The following SLC1A6 variants were observed in gnomAD, a reference collection of about 807,000 sequenced individuals.
SLC1A6 encodes the protein excitatory amino acid transporter 4.
Under a neutral mutation model 42.1 loss-of-function variants are expected in SLC1A6, and 15 were observed. The observed-to-expected ratio is 0.36, with a 90% confidence interval of 0.24 to 0.55. SLC1A6 has a LOEUF of 0.55. Ranked by LOEUF, SLC1A6 falls within the 20% of genes least tolerant of loss-of-function variation. The pLI is 0.88. For missense variants in SLC1A6, 542 were observed against 772.5 expected (o/e 0.70, Z 3.54); for synonymous variants, 317 against 319.7 (o/e 0.99, Z 0.09).
At chr19:14,993,231 A>C (rs1239924407) in intron 1 of SLC1A6, among the ~76,000 whole-genome samples, 2 of 152,172 alleles carry the variant, frequency 1.3e-5, no homozygotes, top group Non-Finnish European at 2.9e-5. Context: ...TACCCAGCAC[A>C]GGTAAATCCA....
At chr19:15,000,758 C>T (rs2045868482) in intron 1 of SLC1A6, among the ~76,000 whole-genome samples, 2 of 152,174 alleles carry the variant, frequency 1.3e-5, no homozygotes, top group Admixed American at 6.5e-5. Flanking sequence ...CATCTCTGTT[C>T]TCTTATACAC....
At chr19:14,988,135 G>A (rs968453495) in intron 1 of SLC1A6, among the ~76,000 whole-genome samples, 40 of 152,162 alleles carry the variant, frequency 2.6e-4, no homozygotes, top group Non-Finnish European at 4.9e-4. Context: ...CCCCAAGTCT[G>A]CTGTTAGCTT....
intron 3 of SLC1A6, 132 bp from the exon 4 acceptor site, chr19:14,968,639 C>T (rs1021934472): frequency 1.4e-6 from 1 of 715,628 alleles, no homozygotes. Context: ...CTATAGCCCA[C>T]CCCAAAACCC....
chr19:14,990,374 T>A (rs1302720636), intron 1 of SLC1A6, among the ~76,000 whole-genome samples: 1 of 152,108 alleles, frequency 6.6e-6, no homozygotes, highest in Admixed American at 6.6e-5. Context: ...CTAAAAACAA[T>A]TGAACTCATA....
upstream of SLC1A6, among the ~76,000 whole-genome samples, chr19:14,981,268 G>A (rs2145224617): frequency 6.6e-6 from 1 of 151,596 alleles, no homozygotes; most frequent in South Asian, 2.1e-4. Flanking sequence ...ACTTCAGCCT[G>A]GACAACAGAG....
intron 3 of SLC1A6, among the ~76,000 whole-genome samples, chr19:14,969,547 C>A (rs1014993720): frequency 4.6e-5 from 7 of 152,206 alleles, no homozygotes; most frequent in African/African-American, 1.4e-4. Flanking sequence ...TTTTGAAACC[C>A]ACATCTTTGC....
intron 5 of SLC1A6, 101 bp downstream of exon 5, chr19:14,964,217 TC>T: frequency 1.1e-6 from 1 of 939,770 alleles, no homozygotes; most frequent in Non-Finnish European, 1.8e-6. Flanking sequence ...CATTGCTCTG[TC>T]AGGCCCTTCC....
At chr19:14,953,083 T>C in intron 8 of SLC1A6, 21 bp from the exon 9 acceptor site, 1 of 1,601,518 alleles carries the variant, frequency 6.2e-7, no homozygotes, top group Non-Finnish European at 8.5e-7. Context: ...AGGGAGAACA[T>C]GGGGAGCAGA....
intron 5 of SLC1A6, 111 bp downstream of exon 5, chr19:14,964,208 A>G (rs10407669): frequency 0.69 from 590,682 of 858,278 alleles, 204,860 homozygotes; most frequent in African/African-American, 0.84. Context: ...ACCCCTGCCC[A>G]TTGCTCTGTC....
intron 1 of SLC1A6, among the ~76,000 whole-genome samples, chr19:15,009,026 A>C (rs1416389507): frequency 1.3e-5 from 2 of 150,580 alleles, no homozygotes; most frequent in Non-Finnish European, 3.0e-5. Context: ...TATAAAATAT[A>C]CATATATGCT....
In SLC1A6 at chr19:14,967,480, C is replaced by T. The variant is rs59253508; in HGVS notation, c.548+823G>A. On this transcript the variant is annotated intron_variant, in intron 4 of 9. Coordinates refer to ENST00000594383, the MANE Select transcript of SLC1A6 (RefSeq NM_005071.3). ...ATGGGACAGGAGGTCAGACACGCCT[C>T]CTTACACTCTCTCCCTTTTATAATC... Among the ~76,000 whole-genome samples the T allele has an allele frequency of 2.1e-3, 321 of 152,248 alleles. 7 individuals are homozygous for T. The East Asian group carries it at 0.048, about 23-fold the overall frequency.
upstream of SLC1A6, among the ~76,000 whole-genome samples, chr19:14,982,468 G>T (rs1021102013): frequency 6.6e-6 from 1 of 152,156 alleles, no homozygotes; most frequent in Admixed American, 6.5e-5. Context: ...GGCAGAGTTT[G>T]CAGTGAGCCA....
intron 1 of SLC1A6, chr19:14,977,722 A>C (rs1000519209): frequency 6.6e-6 from 1 of 152,256 alleles, no homozygotes; most frequent in Non-Finnish European, 1.5e-5. Flanking sequence ...TTGAGGCTGC[A>C]ATGAGCTATG....
At chr19:14,969,526 G>C (rs1244035147) in intron 3 of SLC1A6, among the ~76,000 whole-genome samples, 1 of 152,216 alleles carries the variant, frequency 6.6e-6, no homozygotes, top group East Asian at 1.9e-4. Context: ...GAGGCTGAGA[G>C]GCCAGCCTTC....
intron 6 of SLC1A6, among the ~76,000 whole-genome samples, chr19:14,957,043 A>G (rs539384876): frequency 1.3e-5 from 2 of 152,092 alleles, no homozygotes; most frequent in African/African-American, 4.8e-5. Flanking sequence ...CACTACCTTC[A>G]GTTTCCTTCC....
rs1401433780 is a variant in SLC1A6 at position 14,950,170 on chromosome 19, C to CT, written c.*24dup. The CT allele has an allele frequency of 1.4e-6, 2 of 1,471,564 alleles. No individual in the cohort carries two copies. The highest frequency in any genetic ancestry group is 1.4e-5 in the African/African-American group (1 of 69,716). The allele number at this position is 1,471,564 out of a possible 1,614,324, so 91.2% of individuals were successfully genotyped here. The stretch of plus-strand genomic sequence containing the variant: ...CCTCCCCAGCCCCCTTCCCTCCTCT[C>CT]TGGGGGGGCAGAGCTGGAGGCCCCT... On this transcript the variant is annotated 3_prime_UTR_variant, in exon 10 of 10. Transcript: ENST00000594383.
intron 1 of SLC1A6, among the ~76,000 whole-genome samples, chr19:15,002,964 A>ATTTTGTTGTTGTTGTTGTTGT (rs55727450): frequency 0.018 from 2,693 of 150,916 alleles, 57 homozygotes; most frequent in Admixed American, 0.053. Context: ...TTTTTGTGGG[A>ATTTTGTTGTTGTTGTTGTTGT]TGTTGTTGTT....
At chr19:14,957,235 C>G (rs1480242941) in intron 6 of SLC1A6, among the ~76,000 whole-genome samples, 1 of 152,204 alleles carries the variant, frequency 6.6e-6, no homozygotes, top group Non-Finnish European at 1.5e-5. Context: ...ATCAAAATCA[C>G]CGATGTATTC....
At chr19:14,968,851 A>ATTT (rs71168531) in intron 3 of SLC1A6, among the ~76,000 whole-genome samples, 39 of 149,684 alleles carry the variant, frequency 2.6e-4, no homozygotes, top group Non-Finnish European at 4.3e-4. Context: ...TAACCTAACT[A>ATTT]TTTTTTTTTT....
Sources: gnomAD v4.1 joint callset for allele counts (sites outside exome capture counted in the v4.1 genomes callset) on GRCh38, gnomAD v4.1.1 for gene constraint, MANE v1.5 for transcripts, NCBI Gene and HGNC (gene_info 2026-07-23, HGNC 2026-07-21) for gene names.